DNAI4: variants seen among roughly 807,000 people sequenced by gnomAD.
DNAI4 encodes the protein WD repeat domain 78.
DNAI4 carries 85 observed loss-of-function variants against 105.8 expected under a neutral mutation model. The observed-to-expected ratio is 0.80, with a 90% confidence interval of 0.67 to 0.96. DNAI4 has a LOEUF of 0.96. DNAI4 is among the 40% of genes least tolerant of loss of function. The pLI is 0.00. For missense variants in DNAI4, 1,014 were observed against 1,005.6 expected (o/e 1.01, Z -0.11); for synonymous variants, 352 against 331.5 (o/e 1.06, Z -0.67).
intron 4 of DNAI4, among the ~76,000 whole-genome samples, chr1:66,876,307 G>A (rs191239235): frequency 3.9e-5 from 6 of 152,160 alleles, no homozygotes; most frequent in African/African-American, 4.8e-5. Context: ...TAAGGCTAGC[G>A]ATTTAGGCTC....
chr1:66,814,743 T>A (rs937973083), intron 16 of DNAI4, among the ~76,000 whole-genome samples: 1 of 152,194 alleles, frequency 6.6e-6, no homozygotes, highest in Admixed American at 6.5e-5. Context: ...CAGCTCCTAT[T>A]TAACCTTAAT....
chr1:66,875,742 C>T (rs1646946515), intron 4 of DNAI4, among the ~76,000 whole-genome samples: 1 of 152,048 alleles, frequency 6.6e-6, no homozygotes, highest in Admixed American at 6.6e-5. Flanking sequence ...TTAAAAACGT[C>T]TCAGTCTCCT....
At chr1:66,913,601 C>T (rs3008848) in intron 1 of DNAI4, among the ~76,000 whole-genome samples, 118,470 of 151,940 alleles carry the variant, frequency 0.78, 46,530 homozygotes, top group East Asian at 0.88. Context: ...AAATGGCTTG[C>T]CCAGGAAATA....
In DNAI4 at chr1:66,814,008, G is replaced by A. The variant is rs1346336296; in HGVS notation, c.*122C>T. The stretch of plus-strand genomic sequence containing the variant: ...AAAGTTTATTAAATTTAAATTAAGT[G>A]GAAGTTATACATCAAATATTGTTTT... On this transcript the variant is annotated 3_prime_UTR_variant, in exon 17 of 17. Coordinates refer to ENST00000371026, the MANE Select transcript of DNAI4 (RefSeq NM_024763.5). 5.2e-6 allele frequency: 3 copies of A among 575,046 alleles called. No individual in the cohort carries two copies. The highest frequency in any genetic ancestry group is 8.4e-6 in the Non-Finnish European group (3 of 355,120). 35.6% of individuals were successfully genotyped at this position (575,046 alleles called of 1,614,324 possible).
chr1:66,874,963 C>A (rs1348566283), intron 4 of DNAI4, 26 bp from the exon 5 acceptor site: 1 of 1,566,126 alleles, frequency 6.4e-7, no homozygotes, highest in South Asian at 1.2e-5. Flanking sequence ...TAATTAAAAT[C>A]ATTTACTAAT....
chr1:66,871,347 T>C (rs745535252), intron 6 of DNAI4, 23 bp downstream of exon 6: 1 of 1,584,664 alleles, frequency 6.3e-7, no homozygotes, highest in Non-Finnish European at 8.6e-7. Flanking sequence ...TTATAGTTTA[T>C]CAAGCAGAAT....
At chr1:66,853,252 T>C (rs966432342) in intron 7 of DNAI4, among the ~76,000 whole-genome samples, 1 of 152,276 alleles carries the variant, frequency 6.6e-6, no homozygotes, top group African/African-American at 2.4e-5. Flanking sequence ...TGCAGAACTA[T>C]GCCTCATGGG....
At chr1:66,918,162 T>C (rs1272998468) in intron 1 of DNAI4, among the ~76,000 whole-genome samples, 1 of 152,226 alleles carries the variant, frequency 6.6e-6, no homozygotes, top group African/African-American at 2.4e-5. Context: ...ATGTAAAAAT[T>C]TTCTTGTTGC....
intron 1 of DNAI4, among the ~76,000 whole-genome samples, chr1:66,910,683 T>G (rs528654474): frequency 1.3e-5 from 2 of 152,246 alleles, no homozygotes. Flanking sequence ...CATATCTTCT[T>G]GCCTTATTTT....
intron 7 of DNAI4, among the ~76,000 whole-genome samples, chr1:66,850,405 TGAAG>T (rs896737525): frequency 6.6e-6 from 1 of 151,268 alleles, no homozygotes; most frequent in Non-Finnish European, 1.5e-5. Flanking sequence ...TATTCTCAGA[TGAAG>T]GAATACTAAG....
intron 8 of DNAI4, among the ~76,000 whole-genome samples, chr1:66,842,986 T>C (rs1022406259): frequency 1.3e-5 from 2 of 151,892 alleles, no homozygotes; most frequent in Non-Finnish European, 2.9e-5. Context: ...TAGCTTGAGT[T>C]CAGGAGTTTA....
At chr1:66,844,456 G>A (rs1277277132) in intron 8 of DNAI4, among the ~76,000 whole-genome samples, 1 of 152,044 alleles carries the variant, frequency 6.6e-6, no homozygotes, top group Non-Finnish European at 1.5e-5. Flanking sequence ...CCAGCTACTA[G>A]GGAGGCTGAG....
At chr1:66,836,284 G>T (rs1289569449) in intron 10 of DNAI4, among the ~76,000 whole-genome samples, 2 of 146,536 alleles carry the variant, frequency 1.4e-5, no homozygotes, top group Admixed American at 1.4e-4. Flanking sequence ...AAGAAAGAAA[G>T]AAAGAAAGAA....
At chr1:66,842,288 TG>T (rs1161414066) in intron 8 of DNAI4, among the ~76,000 whole-genome samples, 1 of 152,338 alleles carries the variant, frequency 6.6e-6, no homozygotes, top group East Asian at 1.9e-4. Flanking sequence ...TAAATACCCA[TG>T]TGCAGGTTTG....
At chr1:66,835,834 AT>A in intron 10 of DNAI4, 57 bp from the exon 11 acceptor site, 1 of 1,512,028 alleles carries the variant, frequency 6.6e-7, no homozygotes, top group Non-Finnish European at 9.2e-7. Context: ...GTAAGGCAGA[AT>A]ATAATGGTGG....
chr1:66,849,311 T>C (rs1441741735), intron 7 of DNAI4, among the ~76,000 whole-genome samples: 1 of 151,766 alleles, frequency 6.6e-6, no homozygotes, highest in African/African-American at 2.4e-5. Flanking sequence ...CACTGCCCCA[T>C]GGTAATGAAG....
intron 14 of DNAI4, 129 bp from the exon 15 acceptor site, chr1:66,827,175 A>C: frequency 2.7e-6 from 2 of 739,862 alleles, no homozygotes; most frequent in Non-Finnish European, 4.3e-6. Context: ...GCATTATTTT[A>C]GTTGAGAATA....
intron 1 of DNAI4, among the ~76,000 whole-genome samples, chr1:66,914,063 T>C (rs2100873998): frequency 6.7e-6 from 1 of 149,206 alleles, no homozygotes; most frequent in Non-Finnish European, 1.5e-5. Flanking sequence ...CACATATCAA[T>C]CCACCACACA....
chr1:66,878,090 C>A (rs1158551035), intron 4 of DNAI4, among the ~76,000 whole-genome samples: 1 of 152,066 alleles, frequency 6.6e-6, no homozygotes, highest in Non-Finnish European at 1.5e-5. Context: ...TTAAGATCCA[C>A]CTTCTTGAGG....
Sources: gnomAD v4.1 joint callset for allele counts (sites outside exome capture counted in the v4.1 genomes callset) on GRCh38, gnomAD v4.1.1 for gene constraint, MANE v1.5 for transcripts, NCBI Gene and HGNC (gene_info 2026-07-23, HGNC 2026-07-21) for gene names.